TEX101: variants seen among roughly 807,000 people sequenced by gnomAD.
The protein encoded by TEX101 is testis-expressed protein 101.
TEX101 carries 10 observed loss-of-function variants against 18.1 expected under a neutral mutation model. The observed-to-expected ratio is 0.55, with a 90% confidence interval of 0.34 to 0.94. The LOEUF (loss-of-function observed/expected upper bound fraction) is 0.94. Among genes scored for constraint, TEX101 ranks in the 40% least tolerant of loss-of-function variants. The pLI is 0.02. For synonymous variants in TEX101, 94 were observed against 114.8 expected (o/e 0.82, Z 1.16); for missense variants, 259 against 298.9 (o/e 0.87, Z 0.98).
upstream of TEX101, among the ~76,000 whole-genome samples, chr19:43,412,891 TC>T: frequency 6.6e-6 from 1 of 151,968 alleles, no homozygotes; most frequent in Middle Eastern, 3.4e-3. Context: ...CCTGCTGCCC[TC>T]CTCCCCCGAC....
the TEX101 span, among the ~76,000 whole-genome samples, chr19:43,390,914 C>A: frequency 6.6e-6 from 1 of 152,094 alleles, no homozygotes. Flanking sequence ...CTTTCCGCCT[C>A]CCTCCAGCCA....
the TEX101 span, among the ~76,000 whole-genome samples, chr19:43,392,873 C>T: frequency 6.6e-6 from 1 of 152,028 alleles, no homozygotes; most frequent in Admixed American, 6.6e-5. Context: ...GCCTGGCCAA[C>T]ATGGTGAAAC....
intron 1 of TEX101, among the ~76,000 whole-genome samples, chr19:43,402,471 T>C (rs1970326121): frequency 1.3e-5 from 2 of 152,238 alleles, no homozygotes; most frequent in African/African-American, 4.8e-5. Context: ...GTATCTTTTG[T>C]GCTGAAAGTC....
chr19:43,412,350 C>G (rs1429921219), upstream of TEX101, among the ~76,000 whole-genome samples: 1 of 152,140 alleles, frequency 6.6e-6, no homozygotes, highest in African/African-American at 2.4e-5. Flanking sequence ...AGGACAGCAC[C>G]AAGTCATGAA....
upstream of TEX101, among the ~76,000 whole-genome samples, chr19:43,400,929 A>T (rs571865036): frequency 6.2e-4 from 95 of 152,216 alleles, 2 homozygotes; most frequent in African/African-American, 7.5e-4. Context: ...ATGTTTTTTT[A>T]AATATTTTAA....
chr19:43,416,973 CA>C (rs1970486152), intron 4 of TEX101, among the ~76,000 whole-genome samples: 1 of 144,778 alleles, frequency 6.9e-6, no homozygotes, highest in Non-Finnish European at 1.5e-5. Flanking sequence ...GCAGAGGTTG[CA>C]GTGAGCCAAT....
intron 2 of TEX101, chr19:43,402,927 T>C (rs1970330669): frequency 6.6e-6 from 1 of 152,120 alleles, no homozygotes; most frequent in Admixed American, 6.6e-5. Flanking sequence ...GGTGGAATGC[T>C]CTAAATTCAT....
chr19:43,391,737 A>G, the TEX101 span, among the ~76,000 whole-genome samples: 5 of 152,114 alleles, frequency 3.3e-5, no homozygotes, highest in African/African-American at 7.2e-5. Flanking sequence ...TTCTCTATGG[A>G]TAAACATCAG....
At chr19:43,391,648 G>A in the TEX101 span, among the ~76,000 whole-genome samples, 5 of 151,920 alleles carry the variant, frequency 3.3e-5, no homozygotes, top group Admixed American at 1.3e-4. Context: ...AACCTTCCCG[G>A]GTGCACAGAC....
At chr19:43,395,740 A>G in the TEX101 span, among the ~76,000 whole-genome samples, 5 of 152,362 alleles carry the variant, frequency 3.3e-5, no homozygotes, top group East Asian at 1.9e-4. Flanking sequence ...GGTTGGGAGC[A>G]GGACACACCT....
chr19:43,410,684 ACACATGCCCATG>A (rs1970410655), upstream of TEX101, among the ~76,000 whole-genome samples: 4 of 151,982 alleles, frequency 2.6e-5, no homozygotes, highest in African/African-American at 9.7e-5. Flanking sequence ...AACCAGATAC[ACACATGCCCATG>A]CACACATGCA....
chr19:43,405,448 CAT>C (rs1970352066), intron 2 of TEX101, among the ~76,000 whole-genome samples: 1 of 146,746 alleles, frequency 6.8e-6, no homozygotes, highest in Non-Finnish European at 1.5e-5. Context: ...CGAGGTGGCA[CAT>C]CTCTGTAATC....
At chr19:43,399,830 G>A (rs192193085), upstream of TEX101, among the ~76,000 whole-genome samples, 178 of 133,888 alleles carry the variant, frequency 1.3e-3, no homozygotes, top group African/African-American at 4.6e-3. Flanking sequence ...TTTTAAAGAC[G>A]AAGTTTCACT....
At chr19:43,414,791 C>T (rs1300034228), upstream of TEX101, 10 of 964,084 alleles carry the variant, frequency 1.0e-5, no homozygotes, top group Admixed American at 6.2e-5. Context: ...TGAGGTGCCG[C>T]GTTCCTCCAG....
intron 2 of TEX101, among the ~76,000 whole-genome samples, chr19:43,405,823 G>A (rs1395155110): frequency 6.6e-6 from 1 of 151,932 alleles, no homozygotes; most frequent in African/African-American, 2.4e-5. Context: ...ACTGAGGCAG[G>A]AGAACTGCTT....
intron 2 of TEX101, among the ~76,000 whole-genome samples, chr19:43,404,982 T>G (rs374984996): frequency 1.2e-4 from 18 of 151,870 alleles, no homozygotes; most frequent in African/African-American, 4.3e-4. Flanking sequence ...CAAAAAGTAA[T>G]GAAGAGAAAA....
chr19:43,393,352 C>T, the TEX101 span, among the ~76,000 whole-genome samples: 2 of 152,212 alleles, frequency 1.3e-5, no homozygotes, highest in African/African-American at 2.4e-5. Flanking sequence ...AGCGCACAGC[C>T]TGCATCCCAT....
the TEX101 span, among the ~76,000 whole-genome samples, chr19:43,390,513 G>A: frequency 3.5e-3 from 359 of 103,260 alleles, no homozygotes; most frequent in African/African-American, 0.013. Context: ...TCTCACCCAT[G>A]CTGGAATGCA....
In TEX101 at chr19:43,414,922, C is replaced by G; in HGVS notation, c.-156C>G. On this transcript the variant is annotated 5_prime_UTR_variant, in exon 1 of 6. Coordinates refer to ENST00000598265, the MANE Select transcript of TEX101 (RefSeq NM_001130011.3). ...TGCCAAGCCCGGGGAGAAGGCGTTCCGGGCCTCAACTTTGGCGTCGTGAGA... is the reference window on the plus strand; with the variant it reads ...TGCCAAGCCCGGGGAGAAGGCGTTCGGGGCCTCAACTTTGGCGTCGTGAGA... The G allele has an allele frequency of 1.0e-6, 1 of 985,458 alleles. No individual in the cohort carries two copies. The highest frequency in any genetic ancestry group is 1.2e-6 in the Non-Finnish European group (1 of 829,938). 61.0% of individuals were successfully genotyped at this position (985,458 alleles called of 1,614,324 possible). A position where few individuals can be genotyped will look rare whatever the true frequency, so the allele number is the denominator to read the frequency against.
Sources: allele counts gnomAD v4.1 joint callset (sites outside exome capture counted in the v4.1 genomes callset), GRCh38; gene constraint gnomAD v4.1.1; transcripts MANE v1.5; gene names NCBI Gene and HGNC (gene_info 2026-07-23, HGNC 2026-07-21).